Variants in KCNQ3 observed in about 807,000 individuals in gnomAD.
KCNQ3 encodes the protein potassium voltage-gated channel subfamily Q member 3.
In KCNQ3, 30 loss-of-function variants were observed where a neutral mutation model predicts 92.5. The observed-to-expected ratio is 0.32, with a 90% CI of 0.24 to 0.44. The LOEUF (loss-of-function observed/expected upper bound fraction) is 0.44. KCNQ3 is among the 20% of genes least tolerant of loss of function. The pLI is 1.00. For missense variants in KCNQ3, 913 were observed against 1,140.3 expected, an observed-to-expected ratio of 0.80 and a Z score of 2.87; for synonymous variants, 450 against 468.8, an observed-to-expected ratio of 0.96 and a Z score of 0.52.
At chr8:132,280,311 A>T (rs1397342814) in intron 1 of KCNQ3, among the ~76,000 whole-genome samples, 1 of 152,202 alleles carries the variant, frequency 6.6e-6, no homozygotes, top group Non-Finnish European at 1.5e-5. Flanking sequence ...TAATTAGCTG[A>T]TGGTTCTGCA....
intron 1 of KCNQ3, among the ~76,000 whole-genome samples, chr8:132,341,965 T>C (rs1206238480): frequency 1.3e-5 from 2 of 152,202 alleles, no homozygotes; most frequent in Admixed American, 1.3e-4. Flanking sequence ...ATTCCTCCTC[T>C]TTTCAGACTT....
At chr8:132,133,245 G>A (rs17573957) in intron 13 of KCNQ3, among the ~76,000 whole-genome samples, 2,978 of 151,930 alleles carry the variant, frequency 0.02, 36 homozygotes, top group South Asian at 0.035. Context: ...GATGGGGCAC[G>A]CATTCTCCAG....
intron 1 of KCNQ3, among the ~76,000 whole-genome samples, chr8:132,465,115 G>A (rs1291167738): frequency 6.6e-6 from 1 of 152,198 alleles, no homozygotes; most frequent in African/African-American, 2.4e-5. Context: ...GACTTCCCCA[G>A]GAAACCAGAA....
At chr8:132,451,507 C>T (rs1288869152) in intron 1 of KCNQ3, among the ~76,000 whole-genome samples, 1 of 152,154 alleles carries the variant, frequency 6.6e-6, no homozygotes, top group African/African-American at 2.4e-5. Context: ...GTGACTGTCC[C>T]CACAGCTTGC....
chr8:132,129,120 C>A lies in KCNQ3; in HGVS notation c.*142G>T. Reference sequence around the variant, plus strand: ...TGGGGAGGAAGAGGCTGTGGGAAGCCCCTGCCTGGGTGGGGCCACCACGCA... The same window carrying A: ...TGGGGAGGAAGAGGCTGTGGGAAGCACCTGCCTGGGTGGGGCCACCACGCA... On this transcript the variant is annotated 3_prime_UTR_variant, in exon 15 of 15. Coordinates refer to ENST00000388996, the MANE Select transcript of KCNQ3 (RefSeq NM_004519.4). The surrounding 1 kb of genome is among the most constrained non-coding windows in gnomAD (Gnocchi z 5.9). 1 of 933,360 alleles carries A rather than the reference C, an allele frequency of 1.1e-6. No individual in the cohort carries two copies. The highest frequency in any genetic ancestry group is 2.1e-5 in the Admixed American group (1 of 47,386). The allele number at this position is 933,360 out of a possible 1,614,324, so 57.8% of individuals were successfully genotyped here. A position where few individuals can be genotyped will look rare whatever the true frequency, so the allele number is the denominator to read the frequency against.
chr8:132,165,446 T>C (rs1380911759), intron 8 of KCNQ3, among the ~76,000 whole-genome samples: 2 of 152,244 alleles, frequency 1.3e-5, no homozygotes, highest in African/African-American at 4.8e-5. Flanking sequence ...TTCTAGATCA[T>C]GGTTGCTAAC....
intron 1 of KCNQ3, among the ~76,000 whole-genome samples, chr8:132,295,878 T>C (rs1352632162): frequency 6.6e-6 from 1 of 151,928 alleles, no homozygotes; most frequent in Non-Finnish European, 1.5e-5. Flanking sequence ...CATCGGGGCC[T>C]GTTGTGGGGG....
chr8:132,427,923 T>C (rs1159098844), intron 1 of KCNQ3, among the ~76,000 whole-genome samples: 1 of 152,208 alleles, frequency 6.6e-6, no homozygotes, highest in African/African-American at 2.4e-5. Flanking sequence ...CATGGACCAA[T>C]TATCGGCAAT....
intron 1 of KCNQ3, among the ~76,000 whole-genome samples, chr8:132,230,797 T>C (rs1417841193): frequency 6.6e-6 from 1 of 152,196 alleles, no homozygotes; most frequent in Admixed American, 6.5e-5. Flanking sequence ...TGTCAATCCC[T>C]TCTGTCCAAA....
chr8:132,325,450 C>A (rs1818019151), intron 1 of KCNQ3, among the ~76,000 whole-genome samples: 2 of 152,112 alleles, frequency 1.3e-5, no homozygotes, highest in African/African-American at 4.8e-5. Flanking sequence ...GAAGTCCTAA[C>A]CCCTAGGACC....
intron 3 of KCNQ3, among the ~76,000 whole-genome samples, chr8:132,181,110 A>G (rs1378594866): frequency 6.6e-6 from 1 of 152,194 alleles, no homozygotes; most frequent in Non-Finnish European, 1.5e-5. Flanking sequence ...TGCTGGTATC[A>G]GGAGATGGCA....
intron 1 of KCNQ3, among the ~76,000 whole-genome samples, chr8:132,444,271 C>T (rs1414785736): frequency 2.0e-5 from 3 of 152,170 alleles, no homozygotes; most frequent in African/African-American, 7.2e-5. Context: ...TGTGCTCCCT[C>T]CTGCCCTCCT....
At chr8:132,197,417 G>A (rs527876440) in intron 1 of KCNQ3, among the ~76,000 whole-genome samples, 1 of 152,074 alleles carries the variant, frequency 6.6e-6, no homozygotes, top group Admixed American at 6.5e-5. Context: ...CCCTGTTCTC[G>A]TTTGACACTT....
At chr8:132,450,682 G>A (rs560981562) in intron 1 of KCNQ3, among the ~76,000 whole-genome samples, 1 of 152,332 alleles carries the variant, frequency 6.6e-6, no homozygotes, top group East Asian at 1.9e-4. Flanking sequence ...CCCACAGGCA[G>A]GCCCACCAGA....
At chr8:132,413,834 G>A (rs1407479329) in intron 1 of KCNQ3, among the ~76,000 whole-genome samples, 2 of 152,226 alleles carry the variant, frequency 1.3e-5, no homozygotes, top group East Asian at 3.8e-4. Context: ...CAGCATGTCT[G>A]TGTCACGCTG....
At position 132,264,975 on chromosome 8, in the gene KCNQ3, T is replaced by A. The variant is rs150003460; in HGVS notation, c.387-78794A>T. ...CATAGTAGAAAAACCCAGGCTTGGGTTTAGACAGACCTGTGAGTTGTGTGA... is the reference window on the plus strand; with the variant it reads ...CATAGTAGAAAAACCCAGGCTTGGGATTAGACAGACCTGTGAGTTGTGTGA... On this transcript the variant is annotated intron_variant, in intron 1 of 14. Transcript: ENST00000388996. 4.2e-3 allele frequency among the ~76,000 whole-genome samples: 637 copies of A among 152,092 alleles called. 4 individuals carry two copies. The highest frequency in any genetic ancestry group is 0.015 in the African/African-American group (618 of 41,510).
intron 1 of KCNQ3, among the ~76,000 whole-genome samples, chr8:132,423,042 T>G (rs1821014986): frequency 6.6e-6 from 1 of 152,110 alleles, no homozygotes; most frequent in Non-Finnish European, 1.5e-5. Context: ...ACGCACACAT[T>G]GCTAAAATGC....
At chr8:132,162,344 T>A (rs926926707) in intron 9 of KCNQ3, among the ~76,000 whole-genome samples, 1 of 152,194 alleles carries the variant, frequency 6.6e-6, no homozygotes, top group African/African-American at 2.4e-5. Context: ...CTGTTGGTCA[T>A]GAAAGAAGGA....
At chr8:132,146,611 T>TA (rs5895128) in intron 9 of KCNQ3, among the ~76,000 whole-genome samples, 11 of 151,364 alleles carry the variant, frequency 7.3e-5, no homozygotes, top group African/African-American at 1.9e-4. Context: ...TTTTTTTTTT[T>TA]AAACAGGGTC....
Sources: allele counts gnomAD v4.1 joint callset (sites outside exome capture counted in the v4.1 genomes callset), GRCh38; gene constraint gnomAD v4.1.1; non-coding constraint Gnocchi (gnomAD v3.1); transcripts MANE v1.5; gene names NCBI Gene and HGNC (gene_info 2026-07-23, HGNC 2026-07-21).